Variants in RNF13 observed in about 807,000 individuals in gnomAD.
RNF13 encodes the protein E3 ubiquitin-protein ligase RNF13.
Under a neutral mutation model 37.7 loss-of-function variants are expected in RNF13, and 19 were observed. The observed-to-expected ratio is 0.50, with a 90% confidence interval of 0.35 to 0.74. RNF13 has a LOEUF of 0.74. Among genes scored for constraint, RNF13 ranks in the 30% least tolerant of loss-of-function variants. The pLI, the probability that RNF13 is intolerant of heterozygous loss-of-function variation, is 0.01. For synonymous variants in RNF13, 144 were observed against 157.8 expected, an observed-to-expected ratio of 0.91 and a Z score of 0.65; for missense variants, 375 against 453.0, an observed-to-expected ratio of 0.83 and a Z score of 1.56.
chr3:149,877,622 T>A (rs1488648806), intron 4 of RNF13, among the ~76,000 whole-genome samples: 1 of 152,040 alleles, frequency 6.6e-6, no homozygotes, highest in East Asian at 1.9e-4. Context: ...TCTGCACTAC[T>A]ATTTCAGTAG....
At chr3:149,840,522 C>T (rs551507633) in intron 1 of RNF13, among the ~76,000 whole-genome samples, 8 of 152,148 alleles carry the variant, frequency 5.3e-5, no homozygotes, top group African/African-American at 1.9e-4. Context: ...TCTCTGTTTC[C>T]CAGAATGGTT....
intron 1 of RNF13, among the ~76,000 whole-genome samples, chr3:149,821,864 A>C (rs933818136): frequency 6.6e-6 from 1 of 152,112 alleles, no homozygotes; most frequent in African/African-American, 2.4e-5. Flanking sequence ...ATTGTCTTGC[A>C]TGTGAATAGT....
chr3:149,815,137 C>A (rs1388412829), intron 1 of RNF13, among the ~76,000 whole-genome samples: 1 of 152,134 alleles, frequency 6.6e-6, no homozygotes, highest in African/African-American at 2.4e-5. Flanking sequence ...ATTCAGCTTT[C>A]TTCCCTTGAT....
At chr3:149,864,008 ATTTTTTTTTTTTT>A (rs535062004) in intron 3 of RNF13, among the ~76,000 whole-genome samples, 1 of 29,692 alleles carries the variant, frequency 3.4e-5, no homozygotes, top group South Asian at 1.8e-3. Context: ...TTTGATTGGA[ATTTTTTTTTTTTT>A]TTTTTTTTTT....
At chr3:149,844,796 A>G (rs1052203068) in intron 1 of RNF13, among the ~76,000 whole-genome samples, 3 of 152,242 alleles carry the variant, frequency 2.0e-5, no homozygotes, top group African/African-American at 4.8e-5. Flanking sequence ...CTCACATTAT[A>G]AAATTCAACC....
intron 1 of RNF13, among the ~76,000 whole-genome samples, chr3:149,836,259 C>G (rs1029360797): frequency 6.6e-6 from 1 of 151,926 alleles, no homozygotes; most frequent in East Asian, 1.9e-4. Flanking sequence ...GGCAAAAAAC[C>G]AAGCAACCCA....
At chr3:149,831,997 C>G (rs569219887) in intron 1 of RNF13, among the ~76,000 whole-genome samples, 2 of 152,088 alleles carry the variant, frequency 1.3e-5, no homozygotes, top group South Asian at 4.2e-4. Flanking sequence ...GTGTGACTGG[C>G]TATTATAAAT....
At chr3:149,901,687 G>T (rs1213393932) in intron 5 of RNF13, among the ~76,000 whole-genome samples, 2 of 152,154 alleles carry the variant, frequency 1.3e-5, no homozygotes, top group Non-Finnish European at 2.9e-5. Flanking sequence ...GTATGTAAAA[G>T]AAGCTTTTTC....
intron 4 of RNF13, among the ~76,000 whole-genome samples, chr3:149,877,301 T>G (rs545066902): frequency 1.1e-3 from 175 of 152,194 alleles, no homozygotes; most frequent in Non-Finnish European, 2.0e-3. Flanking sequence ...AACTTTCCAT[T>G]TGCTTCATGT....
At chr3:149,910,597 T>C (rs1716899806) in intron 6 of RNF13, among the ~76,000 whole-genome samples, 1 of 152,388 alleles carries the variant, frequency 6.6e-6, no homozygotes, top group Non-Finnish European at 1.5e-5. Flanking sequence ...TAAGCACCTC[T>C]GTATGAGGAA....
intron 4 of RNF13, among the ~76,000 whole-genome samples, chr3:149,893,431 T>TA (rs2108487868): frequency 1.3e-5 from 2 of 152,356 alleles, no homozygotes; most frequent in East Asian, 3.9e-4. Flanking sequence ...TGGCAACAGT[T>TA]ACTTTTTGGG....
intron 7 of RNF13, chr3:149,917,513 T>C (rs1160109978): frequency 6.6e-6 from 1 of 152,216 alleles, no homozygotes; most frequent in African/African-American, 2.4e-5. Context: ...CATGGTCTTA[T>C]TTCTCAAGTT....
chr3:149,860,270 A>AAAATATATATATATATATAT (rs1302318768), intron 3 of RNF13, among the ~76,000 whole-genome samples: 3 of 104,092 alleles, frequency 2.9e-5, no homozygotes, highest in African/African-American at 1.3e-4. Context: ...AAAAAAAAAA[A>AAAATATATATATATATATAT]ATATATATAT....
intron 3 of RNF13, among the ~76,000 whole-genome samples, chr3:149,861,161 G>C (rs1272563224): frequency 6.6e-6 from 1 of 151,752 alleles, no homozygotes; most frequent in African/African-American, 2.4e-5. Flanking sequence ...ACTGTTGGTG[G>C]GAATGTAAAT....
At chr3:149,930,479 T>G (rs541774687) in intron 8 of RNF13, among the ~76,000 whole-genome samples, 21 of 152,362 alleles carry the variant, frequency 1.4e-4, no homozygotes, top group South Asian at 4.1e-4. Context: ...ATATTTTGTT[T>G]AGGATTTATC....
rs559028424 is a variant in RNF13, at chr3:149,919,677, G to A, written c.607-1457G>A. ...TTGATCAACATTTGGGTTGTTTCTA[G>A]TTTTTGGCTATTACAAATAAAGCTG... On this transcript the variant is annotated intron_variant, in intron 7 of 9. Transcript: ENST00000392894. Among the ~76,000 whole-genome samples the A allele has an allele frequency of 2.6e-5, 4 of 152,248 alleles. No individual in the cohort carries two copies. In the South Asian group the frequency reaches 8.3e-4, roughly 32 times the overall value.
Position 149,940,995 on chromosome 3 carries a change from G to A in RNF13, c.701-19061G>A, listed in dbSNP as rs151169547. Among the ~76,000 whole-genome samples, 457 of 152,134 alleles carry A rather than the reference G, an allele frequency of 3.0e-3. 2 individuals are homozygous for A. The highest frequency in any genetic ancestry group is 0.01 in the African/African-American group (433 of 41,500). ...ATTTTGCTTAGCATAATGCCCTCAC[G>A]GTTCACCTATGTTGTGGCATGTGAC... On this transcript the variant is annotated intron_variant, in intron 8 of 9. Transcript: ENST00000392894.
rs533678844 is a variant in RNF13 at position 149,893,948 on chromosome 3, T to A, written c.322-1525T>A. 146 of 152,310 alleles carry A rather than the reference T, an allele frequency of 9.6e-4. 1 individual carries two copies. Among genetic ancestry groups the A allele is most frequent in the African/African-American group, 3.3e-3 (138 of 41,574 alleles). The allele number at this position is 152,310 out of a possible 1,614,324, so 9.4% of individuals were successfully genotyped here. On this transcript the variant is annotated intron_variant, in intron 4 of 9. Transcript: ENST00000392894. ...ATTTATATTATTTTAATTAGTTTTT[T>A]AAAAAATCACTTTCTGCCTGATTTT...
chr3:149,917,049 A>G (rs1233279555), intron 7 of RNF13, among the ~76,000 whole-genome samples: 1 of 152,092 alleles, frequency 6.6e-6, no homozygotes, highest in Non-Finnish European at 1.5e-5. Flanking sequence ...TAATGTTTCA[A>G]TCCATATGAA....
Sources: allele counts gnomAD v4.1 joint callset (sites outside exome capture counted in the v4.1 genomes callset), GRCh38; gene constraint gnomAD v4.1.1; transcripts MANE v1.5; gene names NCBI Gene and HGNC (gene_info 2026-07-23, HGNC 2026-07-21).